Variants in C1RL observed in about 807,000 individuals in gnomAD.
The protein encoded by C1RL is complement C1r subcomponent-like protein.
C1RL carries 27 observed loss-of-function variants against 27.9 expected under a neutral mutation model. That is an observed-to-expected ratio of 0.97 (90% CI 0.71 to 1.33). The LOEUF is 1.33. Ranked by LOEUF, C1RL falls within the 40% of genes most tolerant of loss-of-function variation. C1RL has a pLI of 0.00. For missense variants in C1RL, 563 were observed against 623.9 expected (o/e 0.90, Z 1.04); for synonymous variants, 248 against 252.1 (o/e 0.98, Z 0.15).
In C1RL at chr12:7,096,597, A is replaced by C; in HGVS notation, c.1258T>G (p.Phe420Val). 6.2e-7 allele frequency: 1 copy of C among 1,614,060 alleles called. No individual in the cohort carries two copies. Among genetic ancestry groups the C allele is most frequent in the Non-Finnish European group, 8.5e-7 (1 of 1,180,018 alleles). ...CTTTGCGTCTCATCCCCAACACAGA[A>C]CATATTGTCAGAAAACACCTCGGGT... ...QRPEVFSDNM[F>V]CVGDETQRHS... Residue 420 changes from phenylalanine to valine, a missense_variant, in exon 6 of 6, where the codon TTC (phenylalanine) becomes GTC (valine). Phe to Val is a conservative substitution (Grantham distance 50). Coordinates refer to ENST00000266542, the MANE Select transcript of C1RL (RefSeq NM_016546.4).
At chr12:7,106,759 T>A (rs976101562) in intron 2 of C1RL, among the ~76,000 whole-genome samples, 2 of 151,634 alleles carry the variant, frequency 1.3e-5, no homozygotes, top group Non-Finnish European at 2.9e-5. Context: ...ACAAAAAAAC[T>A]CCATGTAACT....
At position 7,104,742 on chromosome 12, in the gene C1RL, T is replaced by C. The variant is rs1938717691; in HGVS notation, c.301-2655A>G. On this transcript the variant is annotated intron_variant, in intron 2 of 5. Coordinates refer to ENST00000266542, the MANE Select transcript of C1RL (RefSeq NM_016546.4). This position sits in a 1 kb window ranked among gnomAD's most constrained non-coding sequence, Gnocchi z 5.4. ...AATCTTATTCGTTTTTATTAACCTTTCTTACATGTAGGCATAGTTCACATG... is the reference window on the plus strand; with the variant it reads ...AATCTTATTCGTTTTTATTAACCTTCCTTACATGTAGGCATAGTTCACATG... 6.6e-6 allele frequency among the ~76,000 whole-genome samples: 1 copy of C among 152,270 alleles called. No individual in the cohort carries two copies. Among genetic ancestry groups the C allele is most frequent in the Admixed American group, 6.5e-5 (1 of 15,292 alleles).
intron 5 of C1RL, among the ~76,000 whole-genome samples, chr12:7,099,203 C>T (rs953800400): frequency 1.9e-5 from 2 of 104,954 alleles, no homozygotes; most frequent in African/African-American, 3.9e-5. Flanking sequence ...TCAGTCTGGG[C>T]GACAAGAGAG....
intron 3 of C1RL, among the ~76,000 whole-genome samples, chr12:7,100,586 G>A (rs1273046194): frequency 1.3e-5 from 2 of 152,144 alleles, no homozygotes; most frequent in Non-Finnish European, 2.9e-5. Flanking sequence ...CTGAGGTCAG[G>A]AGTTTGAGAC....
rs12820834 is a variant in C1RL at position 7,095,960 on chromosome 12, A to C, written c.*431T>G. 67,617 of 993,144 alleles carry C rather than the reference A, an allele frequency of 0.068. 2,494 individuals are homozygous for C. Among genetic ancestry groups the C allele is most frequent in the Non-Finnish European group, 0.074 (61,919 of 835,614 alleles). 61.5% of individuals were successfully genotyped at this position (993,144 alleles called of 1,614,324 possible). On this transcript the variant is annotated 3_prime_UTR_variant, in exon 6 of 6. Transcript: ENST00000266542. ...TGAAGGTCAACTAAAGGGTCTTAGG[A>C]ATGTTTCAGAAATGCAATGCAATGA...
rs745761170 is a variant in C1RL at position 7,099,829 on chromosome 12, G to T, written c.617-69C>A. On this transcript the variant is annotated intron_variant, in intron 4 of 5. Coordinates refer to ENST00000266542, the MANE Select transcript of C1RL (RefSeq NM_016546.4). ...GAAGCTGTTGGTTAACGAAGCAGGTGCTCAGAGGGTGTCAGGCATTTGGGT... is the reference window on the plus strand; with the variant it reads ...GAAGCTGTTGGTTAACGAAGCAGGTTCTCAGAGGGTGTCAGGCATTTGGGT... The T allele has an allele frequency of 1.9e-6, 3 of 1,613,018 alleles. No homozygotes were observed. In the South Asian group the frequency reaches 3.3e-5, roughly 18 times the overall value.
intron 3 of C1RL, among the ~76,000 whole-genome samples, chr12:7,100,697 G>A (rs778609568): frequency 2.0e-5 from 3 of 152,214 alleles, no homozygotes; most frequent in Admixed American, 2.0e-4. Context: ...TGAGGCAGGA[G>A]AATCGCTTGA....
intron 5 of C1RL, 32 bp downstream of exon 5, chr12:7,099,654 T>TG: frequency 6.5e-7 from 1 of 1,549,474 alleles, no homozygotes; most frequent in Non-Finnish European, 8.7e-7. Context: ...TGAGGCTTGT[T>TG]GGGGGAATGG....
At position 7,108,443 on chromosome 12, in the gene C1RL, GC is replaced by G. The variant is rs1938829204; in HGVS notation, c.107del (p.Cys36SerfsTer17). On this transcript the variant is annotated frameshift_variant, in exon 2 of 6. Coordinates refer to ENST00000266542, the MANE Select transcript of C1RL (RefSeq NM_016546.4). LOFTEE classifies it high-confidence loss of function. Reference protein sequence around the residue: ...WLLLWGVLQACPTRGSVLLAQ... With the variant: ...WLLLWGVLQAXPTRGSVLLAQ... ...CCAAGAGGACGGAGCCCCGGGTTGG[GC>G]AAGCCTGGAGGACTCCCCAGAGAAG... 6.2e-7 allele frequency: 1 copy of G among 1,610,814 alleles called. No homozygotes were observed. The highest frequency in any genetic ancestry group is 1.7e-5 in the Admixed American group (1 of 59,726).
chr12:7,099,133 GA>G (rs998600606), intron 5 of C1RL, among the ~76,000 whole-genome samples: 6 of 147,850 alleles, frequency 4.1e-5, no homozygotes, highest in Non-Finnish European at 5.9e-5. Flanking sequence ...GCTGAGGCAG[GA>G]GAATCGCTTG....
At position 7,108,124 on chromosome 12, in the gene C1RL, C is replaced by G. The variant is rs1223027618; in HGVS notation, c.300+127G>C. The stretch of plus-strand genomic sequence containing the variant: ...ACCACTGCTCCCCGGTAAGCCAAGC[C>G]CGACTGCCCCTACATGGAAAATTCA... On this transcript the variant is annotated intron_variant, in intron 2 of 5. Coordinates refer to ENST00000266542, the MANE Select transcript of C1RL (RefSeq NM_016546.4). 22 of 762,848 alleles carry G rather than the reference C, an allele frequency of 2.9e-5. 1 individual carries two copies. Among genetic ancestry groups the G allele is most frequent in the South Asian group, 8.4e-5 (4 of 47,692 alleles). 47.3% of individuals were successfully genotyped at this position (762,848 alleles called of 1,614,324 possible).
intron 1 of C1RL, chr12:7,108,820 A>G (rs941476706): frequency 2.4e-5 from 13 of 544,342 alleles, no homozygotes; most frequent in African/African-American, 2.1e-4. Flanking sequence ...CCGAGGGAGC[A>G]ATGGTGGGGC....
In C1RL at chr12:7,097,106, C is replaced by A. The variant is rs755545820; in HGVS notation, c.749G>T (p.Arg250Ile). Reference sequence around the variant, plus strand: ...CCAGGGGAAGTTGCCCAGCTTGGCTCTGGAAGAACCGAGGGTCGTCTGATT... The same window carrying A: ...CCAGGGGAAGTTGCCCAGCTTGGCTATGGAAGAACCGAGGGTCGTCTGATT... ...AQNQTTLGSS[R>I]AKLGNFPWQA... The change falls in exon 6 of 6, where the codon AGA becomes ATA. Residue 250 changes from arginine (R) to isoleucine (I), a missense_variant. Physicochemically the swap from Arg to Ile is moderately conservative, Grantham distance 97. Transcript: ENST00000266542. The A allele has an allele frequency of 1.9e-6, 3 of 1,613,828 alleles. No individual in the cohort carries two copies. The highest frequency in any genetic ancestry group is 2.5e-6 in the Non-Finnish European group (3 of 1,179,892).
In C1RL at chr12:7,096,516, C is replaced by T. The variant is rs1938433963; in HGVS notation, c.1339G>A (p.Ala447Thr). The T allele has an allele frequency of 6.2e-7, 1 of 1,614,050 alleles. No individual in the cohort carries two copies. ...GSVYVVWDNH[A>T]HHWVATGIVS... ...ATGCCCGTGGCCACCCAGTGATGGG[C>T]ATGATTGTCCCATACCACATAGACG... Residue 447 changes from alanine to threonine, a missense_variant, in exon 6 of 6, where the codon GCC becomes ACC. Ala to Thr is a moderately conservative substitution (Grantham distance 58). Transcript: ENST00000266542.
intron 2 of C1RL, 114 bp downstream of exon 2, chr12:7,108,137 C>T (rs1938815348): frequency 1.2e-6 from 1 of 862,956 alleles, no homozygotes. Flanking sequence ...ACTGCCCCTA[C>T]ATGGAAAATT....
intron 2 of C1RL, 105 bp downstream of exon 2, chr12:7,108,146 T>C: frequency 1.1e-6 from 1 of 948,226 alleles, no homozygotes; most frequent in South Asian, 1.9e-5. Context: ...ACATGGAAAA[T>C]TCATCCCTCC....
chr12:7,105,954 C>T (rs1938754303), intron 2 of C1RL, among the ~76,000 whole-genome samples: 1 of 151,996 alleles, frequency 6.6e-6, no homozygotes, highest in Admixed American at 6.6e-5. Flanking sequence ...CTAGAACATA[C>T]AACAGCTGAA....
Position 7,109,107 on chromosome 12 carries a change from C to T in C1RL, c.71+3G>A. ...CCTCCTCCTCTGCCGGGGCCACACT[C>T]ACATTGCGCCTGGACAGCCTTTGGA... On this transcript the variant is annotated splice_donor_region_variant and intron_variant, in intron 1 of 5. Coordinates refer to ENST00000266542, the MANE Select transcript of C1RL (RefSeq NM_016546.4). 1.3e-6 allele frequency: 2 copies of T among 1,589,488 alleles called. No homozygotes were observed. The highest frequency in any genetic ancestry group is 1.7e-6 in the Non-Finnish European group (2 of 1,166,708).
chr12:7,103,653 C>T (rs1938686392), intron 2 of C1RL, among the ~76,000 whole-genome samples: 1 of 152,170 alleles, frequency 6.6e-6, no homozygotes, highest in Non-Finnish European at 1.5e-5. Context: ...GTGCTGGGGA[C>T]ACAGATGTGA....
Sources: gnomAD v4.1 joint callset for allele counts (sites outside exome capture counted in the v4.1 genomes callset) on GRCh38, gnomAD v4.1.1 for gene constraint, Gnocchi (gnomAD v3.1) non-coding constraint, MANE v1.5 for transcripts, NCBI Gene and HGNC (gene_info 2026-07-23, HGNC 2026-07-21) for gene names.